GABRB2: variants seen among roughly 807,000 people sequenced by gnomAD.
The protein encoded by GABRB2 is gamma-aminobutyric acid type A receptor subunit beta2.
Under a neutral mutation model 54.7 loss-of-function variants are expected in GABRB2, and 16 were observed. The observed-to-expected ratio is 0.29, with a 90% CI of 0.20 to 0.44. The LOEUF (loss-of-function observed/expected upper bound fraction) is 0.44. Among genes scored for constraint, GABRB2 ranks in the 20% least tolerant of loss-of-function variants. GABRB2 has a pLI of 1.00. For synonymous variants in GABRB2, 244 were observed against 233.8 expected (o/e 1.04, Z -0.40); for missense variants, 355 against 644.0 (o/e 0.55, Z 4.86).
intron 9 of GABRB2, among the ~76,000 whole-genome samples, chr5:161,307,189 A>C (rs1051765436): frequency 2.6e-5 from 4 of 152,126 alleles, no homozygotes; most frequent in African/African-American, 9.7e-5. Context: ...TTTTTTCATG[A>C]GGAAGTCTTT....
chr5:161,498,793 G>T (rs1449295189), intron 3 of GABRB2, among the ~76,000 whole-genome samples: 2 of 152,008 alleles, frequency 1.3e-5, no homozygotes, highest in Non-Finnish European at 2.9e-5. Context: ...CAAGGCTCAG[G>T]GCATAAAAGC....
intron 5 of GABRB2, among the ~76,000 whole-genome samples, chr5:161,389,985 T>C (rs17520863): frequency 0.019 from 2,916 of 152,116 alleles, 38 homozygotes; most frequent in Middle Eastern, 0.082. Flanking sequence ...AAAACAGTAA[T>C]ACCTATTTCA....
intron 5 of GABRB2, among the ~76,000 whole-genome samples, chr5:161,349,629 G>C (rs2113431869): frequency 6.6e-6 from 1 of 152,208 alleles, no homozygotes; most frequent in Non-Finnish European, 1.5e-5. Context: ...TTTCCTTGCA[G>C]CCTTTTTCTC....
intron 8 of GABRB2, chr5:161,330,637 A>T (rs1753809831): frequency 1.0e-5 from 5 of 489,630 alleles, no homozygotes; most frequent in Non-Finnish European, 1.8e-5. Flanking sequence ...TATGTGAGAA[A>T]GCATCATAAA....
chr5:161,478,232 C>T (rs1328736324), intron 3 of GABRB2, among the ~76,000 whole-genome samples: 1 of 151,946 alleles, frequency 6.6e-6, no homozygotes, highest in Non-Finnish European at 1.5e-5. Flanking sequence ...CATATATTCT[C>T]TACGAAGGGA....
Position 161,459,707 on chromosome 5 carries a change from A to G in GABRB2, c.375T>C (p.Asp125=). ...TCACTCCGTGCACAAATGACTTCTT[A>G]TCGTTCAGGAAATAGGTATCAGGCA... ...LWVPDTYFLN[D]KKSFVHGVTV... Residue 125 remains aspartate (D), a synonymous_variant, in exon 4 of 10, where the codon GAT becomes GAC. Transcript: ENST00000393959. 1 of 1,614,162 alleles carries G rather than the reference A, an allele frequency of 6.2e-7. No individual in the cohort carries two copies. The highest frequency in any genetic ancestry group is 8.5e-7 in the Non-Finnish European group (1 of 1,180,018).
At chr5:161,493,279 C>T (rs1483661646) in intron 3 of GABRB2, among the ~76,000 whole-genome samples, 1 of 151,406 alleles carries the variant, frequency 6.6e-6, no homozygotes, top group Non-Finnish European at 1.5e-5. Flanking sequence ...CCATTTTTTC[C>T]TTATTGATAC....
At chr5:161,414,567 C>T (rs1197727210) in intron 4 of GABRB2, among the ~76,000 whole-genome samples, 2 of 151,926 alleles carry the variant, frequency 1.3e-5, no homozygotes, top group African/African-American at 2.4e-5. Context: ...AATAATTACT[C>T]CCTACATATA....
intron 9 of GABRB2, among the ~76,000 whole-genome samples, chr5:161,314,940 C>G (rs757682251): frequency 2.6e-5 from 4 of 151,994 alleles, no homozygotes; most frequent in Non-Finnish European, 4.4e-5. Context: ...AAAAGGTAAT[C>G]TTTGTCTTAA....
intron 1 of GABRB2, 25 bp downstream of exon 1, chr5:161,546,542 A>G: frequency 6.3e-7 from 1 of 1,588,632 alleles, no homozygotes; most frequent in Non-Finnish European, 8.6e-7. Context: ...TGAGAACGGA[A>G]AAGAGAAACG....
Position 161,423,917 on chromosome 5 carries a change from G to A in GABRB2, c.459-12860C>T, listed in dbSNP as rs147508228. On this transcript the variant is annotated intron_variant, in intron 4 of 9. Coordinates refer to ENST00000393959, the MANE Select transcript of GABRB2 (RefSeq NM_001371727.1). The stretch of plus-strand genomic sequence containing the variant: ...GATAAGAAAGCATAACAACATTATC[G>A]CTGATGTGGAGAAAGTTTTAGTGCT... 1.0e-3 allele frequency among the ~76,000 whole-genome samples: 159 copies of A among 152,200 alleles called. 1 individual carries two copies. The highest frequency in any genetic ancestry group is 3.6e-3 in the African/African-American group (151 of 41,542).
intron 3 of GABRB2, among the ~76,000 whole-genome samples, chr5:161,475,531 C>A (rs1286119514): frequency 6.6e-6 from 1 of 151,768 alleles, no homozygotes; most frequent in African/African-American, 2.4e-5. Context: ...AGACTAGAGA[C>A]CAATATTGAA....
At chr5:161,497,029 A>G (rs1477570739) in intron 3 of GABRB2, among the ~76,000 whole-genome samples, 3 of 152,142 alleles carry the variant, frequency 2.0e-5, no homozygotes, top group Non-Finnish European at 2.9e-5. Flanking sequence ...AGTAACATCC[A>G]ACATTTAAGG....
chr5:161,384,615 T>G (rs1755568590), intron 5 of GABRB2, among the ~76,000 whole-genome samples: 1 of 152,186 alleles, frequency 6.6e-6, no homozygotes, highest in African/African-American at 2.4e-5. Flanking sequence ...GGTCTCAGCT[T>G]TTGGTGAAAC....
chr5:161,374,643 C>T (rs568803205), intron 5 of GABRB2, among the ~76,000 whole-genome samples: 1 of 152,320 alleles, frequency 6.6e-6, no homozygotes, highest in South Asian at 2.1e-4. Flanking sequence ...TCAATAAACA[C>T]ATGACTCAAT....
At chr5:161,408,993 T>C (rs1442030821) in intron 5 of GABRB2, among the ~76,000 whole-genome samples, 1 of 152,114 alleles carries the variant, frequency 6.6e-6, no homozygotes, top group Non-Finnish European at 1.5e-5. Flanking sequence ...AGCCTGGATA[T>C]CATGTATATT....
chr5:161,467,219 G>T (rs1342494551), intron 3 of GABRB2, among the ~76,000 whole-genome samples: 1 of 152,052 alleles, frequency 6.6e-6, no homozygotes, highest in Non-Finnish European at 1.5e-5. Context: ...TCCAAAATTA[G>T]ATGGTTTCAG....
rs546893584 is a variant in GABRB2, at chr5:161,502,155, A to G, written c.238-42311T>C. Among the ~76,000 whole-genome samples the G allele has an allele frequency of 2.0e-5, 3 of 151,638 alleles. No individual in the cohort carries two copies. The East Asian group carries it at 5.8e-4, about 29-fold the overall frequency. On this transcript the variant is annotated intron_variant, in intron 3 of 9. Transcript: ENST00000393959. ...CATAACGTTAGGAAAACCTAAATGTACCTTCATTATGTTGATGGGGAAATC... is the reference window on the plus strand; with the variant it reads ...CATAACGTTAGGAAAACCTAAATGTGCCTTCATTATGTTGATGGGGAAATC...
chr5:161,530,035 T>A (rs1293774576), intron 3 of GABRB2, among the ~76,000 whole-genome samples: 1 of 152,046 alleles, frequency 6.6e-6, no homozygotes, highest in Non-Finnish European at 1.5e-5. Context: ...CCTCTCTCCA[T>A]CTCCCTCTCT....
Sources: allele counts gnomAD v4.1 joint callset (sites outside exome capture counted in the v4.1 genomes callset), GRCh38; gene constraint gnomAD v4.1.1; transcripts MANE v1.5; gene names NCBI Gene and HGNC (gene_info 2026-07-23, HGNC 2026-07-21).